The following CERKL variants were observed in gnomAD, a reference collection of about 807,000 sequenced individuals.
CERKL encodes ceramide kinase-like protein.
CERKL carries 61 observed loss-of-function variants against 63.4 expected under a neutral mutation model. The observed-to-expected ratio is 0.96, with a 90% CI of 0.78 to 1.19. CERKL has a LOEUF of 1.19. Ranked by LOEUF, CERKL falls within the 50% of genes most tolerant of loss-of-function variation. The probability of loss-of-function intolerance (pLI) is 0.00; values close to 1 mark genes in which losing one functional copy is unlikely to be tolerated. For missense variants in CERKL, 675 were observed against 655.5 expected (o/e 1.03, Z -0.33); for synonymous variants, 250 against 230.5 (o/e 1.08, Z -0.77).
chr2:181,650,012 G>A (rs1687838914), intron 1 of CERKL: 1 of 151,884 alleles, frequency 6.6e-6, no homozygotes, highest in Non-Finnish European at 1.5e-5. Context: ...TTGAGCCCAG[G>A]AGGCAGAGAT....
In CERKL at chr2:181,537,836, A is replaced by G; in HGVS notation, c.*348T>C. The G allele has an allele frequency of 2.0e-6, 1 of 488,252 alleles. No individual in the cohort carries two copies. The highest frequency in any genetic ancestry group is 4.0e-6 in the Non-Finnish European group (1 of 249,676). The allele number at this position is 488,252 out of a possible 1,614,324, so 30.2% of individuals were successfully genotyped here. On this transcript the variant is annotated 3_prime_UTR_variant, in exon 13 of 13. Coordinates refer to ENST00000410087, the MANE Select transcript of CERKL (RefSeq NM_201548.5). ...TAGAGGCTAATTGTTAGTAACATCA[A>G]TTTCTATTAGGATATCCGTTTGGCC...
At chr2:181,629,190 A>G (rs899728562) in intron 1 of CERKL, among the ~76,000 whole-genome samples, 2 of 152,194 alleles carry the variant, frequency 1.3e-5, no homozygotes, top group Non-Finnish European at 2.9e-5. Context: ...TATTAACTTC[A>G]ACCTCAGTTA....
At chr2:181,601,835 G>A (rs570154843) in intron 2 of CERKL, among the ~76,000 whole-genome samples, 78 of 152,284 alleles carry the variant, frequency 5.1e-4, no homozygotes, top group South Asian at 2.7e-3. Context: ...GATTTTAAAA[G>A]TCAATCTATT....
intron 10 of CERKL, among the ~76,000 whole-genome samples, chr2:181,547,155 C>T (rs1338554116): frequency 2.6e-5 from 4 of 152,152 alleles, no homozygotes; most frequent in Non-Finnish European, 1.5e-5. Flanking sequence ...CATTAAACCT[C>T]TTTCTTTTGT....
At chr2:181,604,757 C>T (rs187979154) in intron 1 of CERKL, among the ~76,000 whole-genome samples, 240 of 152,130 alleles carry the variant, frequency 1.6e-3, no homozygotes, top group African/African-American at 5.3e-3. Context: ...ATTAAAGTAA[C>T]ACATGCAAAG....
At chr2:181,611,189 C>T (rs1463289763) in intron 1 of CERKL, among the ~76,000 whole-genome samples, 1 of 152,094 alleles carries the variant, frequency 6.6e-6, no homozygotes, top group African/African-American at 2.4e-5. Flanking sequence ...CACCATTGCA[C>T]TTCAGCCTGG....
intron 1 of CERKL, among the ~76,000 whole-genome samples, chr2:181,656,156 T>C (rs939554020): frequency 2.0e-5 from 3 of 152,106 alleles, no homozygotes; most frequent in African/African-American, 7.2e-5. Context: ...GATCCAATAA[T>C]CTAGGGTCAA....
chr2:181,565,457 G>C (rs749489363), intron 4 of CERKL: 1 of 1,612,400 alleles, frequency 6.2e-7, no homozygotes, highest in East Asian at 2.2e-5. Flanking sequence ...TTGCATGCCA[G>C]TGAACAATCT....
At chr2:181,565,008 G>C (rs10490687) in intron 4 of CERKL, among the ~76,000 whole-genome samples, 34,567 of 151,808 alleles carry the variant, frequency 0.23, 4,696 homozygotes, top group Non-Finnish European at 0.31. Flanking sequence ...GATTCCTTTT[G>C]GAAAAATCAT....
intron 2 of CERKL, among the ~76,000 whole-genome samples, chr2:181,595,567 A>G (rs918296982): frequency 1.3e-5 from 2 of 152,168 alleles, no homozygotes; most frequent in African/African-American, 4.8e-5. Flanking sequence ...GTAACTGATG[A>G]CCTGCTAGAA....
At chr2:181,573,939 T>C in intron 2 of CERKL, 55 bp from the exon 3 acceptor site, 1 of 1,554,108 alleles carries the variant, frequency 6.4e-7, no homozygotes, top group Admixed American at 1.7e-5. Context: ...ATTTTTTTTC[T>C]TTCCCTTTAA....
At chr2:181,588,904 C>T (rs919591702) in intron 2 of CERKL, among the ~76,000 whole-genome samples, 2 of 152,028 alleles carry the variant, frequency 1.3e-5, no homozygotes, top group African/African-American at 2.4e-5. Flanking sequence ...CTATTCAGAT[C>T]CTTTGCTCAT....
intron 1 of CERKL, among the ~76,000 whole-genome samples, chr2:181,607,671 C>T (rs1685776082): frequency 6.6e-6 from 1 of 152,140 alleles, no homozygotes; most frequent in African/African-American, 2.4e-5. Flanking sequence ...AGGCTTATGG[C>T]CAGGGTCCCC....
At chr2:181,594,025 T>C (rs570343878) in intron 2 of CERKL, among the ~76,000 whole-genome samples, 2 of 152,150 alleles carry the variant, frequency 1.3e-5, no homozygotes, top group South Asian at 4.2e-4. Flanking sequence ...TTGACCACAA[T>C]AAAAGTGCTG....
intron 1 of CERKL, among the ~76,000 whole-genome samples, chr2:181,650,708 G>A (rs892911229): frequency 8.7e-5 from 13 of 150,184 alleles, no homozygotes; most frequent in East Asian, 5.9e-4. Context: ...GCGGTGAGCC[G>A]AGATCACACC....
intron 2 of CERKL, 154 bp downstream of exon 2, chr2:181,603,678 AGTATT>A: frequency 1.3e-6 from 1 of 776,716 alleles, no homozygotes; most frequent in Admixed American, 1.8e-5. Context: ...ATGTAGAAAA[AGTATT>A]TAGCAAATTT....
At chr2:181,587,224 T>A (rs1553517691) in intron 2 of CERKL, among the ~76,000 whole-genome samples, 2 of 152,152 alleles carry the variant, frequency 1.3e-5, no homozygotes, top group Non-Finnish European at 2.9e-5. Context: ...TTTAATGCCG[T>A]AAGTCAAAGT....
chr2:181,586,509 A>C (rs1357564097), intron 2 of CERKL, among the ~76,000 whole-genome samples: 1 of 152,198 alleles, frequency 6.6e-6, no homozygotes, highest in African/African-American at 2.4e-5. Context: ...CAGTGTAAGC[A>C]TCCCCCAAGT....
intron 1 of CERKL, among the ~76,000 whole-genome samples, chr2:181,636,792 G>A (rs1687198437): frequency 6.6e-6 from 1 of 152,080 alleles, no homozygotes; most frequent in African/African-American, 2.4e-5. Flanking sequence ...AGCTTTTCCT[G>A]ACTTCCCCCT....
Sources: gnomAD v4.1 joint callset for allele counts (sites outside exome capture counted in the v4.1 genomes callset) on GRCh38, gnomAD v4.1.1 for gene constraint, MANE v1.5 for transcripts, NCBI Gene and HGNC (gene_info 2026-07-23, HGNC 2026-07-21) for gene names.